IQCM: variants seen among roughly 807,000 people sequenced by gnomAD.
IQCM encodes the protein IQ domain-containing protein M.
In IQCM, 45 loss-of-function variants were observed where a neutral mutation model predicts 57.6. The ratio of observed to expected loss-of-function variants is 0.78; its 90% CI spans 0.62 to 1.00. The LOEUF (loss-of-function observed/expected upper bound fraction) is 1.00, where lower values mean the gene tolerates loss of function less well. Ranked by LOEUF, IQCM falls within the 50% of genes least tolerant of loss-of-function variation. The probability of loss-of-function intolerance (pLI) is 0.00; values close to 1 mark genes in which losing one functional copy is unlikely to be tolerated. For synonymous variants in IQCM, 148 were observed against 158.9 expected (o/e 0.93, Z 0.51); for missense variants, 468 against 511.6 (o/e 0.91, Z 0.82).
chr4:149,756,527 T>C (rs566039562), intron 2 of IQCM, among the ~76,000 whole-genome samples: 1 of 151,846 alleles, frequency 6.6e-6, no homozygotes, highest in Non-Finnish European at 1.5e-5. Context: ...TACTAAAAAA[T>C]AAGCTTCACA....
rs569538537 is a variant in IQCM at position 149,498,400 on chromosome 4, T to C, written c.1228+50055A>G. On this transcript the variant is annotated intron_variant, in intron 12 of 13. Transcript: ENST00000636793. ...GGACCTGCCATCACTTCCATTATGG[T>C]GTGACAAGGATTTTATCTTCCTGGC... 2.2e-4 allele frequency among the ~76,000 whole-genome samples: 34 copies of C among 152,228 alleles called. 1 individual carries two copies. Among genetic ancestry groups the C allele is most frequent in the African/African-American group, 7.9e-4 (33 of 41,552 alleles).
chr4:149,502,603 G>GGT (rs1331711219), intron 12 of IQCM, among the ~76,000 whole-genome samples: 1 of 152,176 alleles, frequency 6.6e-6, no homozygotes, highest in Non-Finnish European at 1.5e-5. Context: ...GAGCCCTAGA[G>GGT]GTCGAGGCTG....
At chr4:149,620,325 T>G (rs1359457132) in intron 8 of IQCM, among the ~76,000 whole-genome samples, 1 of 152,114 alleles carries the variant, frequency 6.6e-6, no homozygotes. Context: ...TTTTTGTTGT[T>G]TAATCCATCC....
intron 13 of IQCM, among the ~76,000 whole-genome samples, chr4:149,359,253 C>A (rs1373613233): frequency 6.6e-6 from 1 of 152,020 alleles, no homozygotes; most frequent in Non-Finnish European, 1.5e-5. Flanking sequence ...TTTTATTAAC[C>A]CATAGTGTGT....
intron 10 of IQCM, among the ~76,000 whole-genome samples, chr4:149,554,763 G>A (rs936264328): frequency 5.3e-5 from 8 of 150,700 alleles, no homozygotes; most frequent in African/African-American, 2.0e-4. Context: ...GCAGTGGCGC[G>A]ATCTCGGCTC....
At chr4:149,667,861 C>T (rs1760874983) in intron 7 of IQCM, among the ~76,000 whole-genome samples, 1 of 151,612 alleles carries the variant, frequency 6.6e-6, no homozygotes, top group African/African-American at 2.4e-5. Flanking sequence ...TGAAATAAAG[C>T]ATGAAGACAA....
intron 5 of IQCM, chr4:149,691,916 A>G (rs1762967962): frequency 6.6e-6 from 1 of 152,206 alleles, no homozygotes; most frequent in Non-Finnish European, 1.5e-5. Context: ...ATACACATCT[A>G]TGCTTAAAAC....
At chr4:149,690,237 T>C (rs1056652870) in intron 5 of IQCM, among the ~76,000 whole-genome samples, 1 of 152,066 alleles carries the variant, frequency 6.6e-6, no homozygotes, top group Non-Finnish European at 1.5e-5. Context: ...GGAATATTAC[T>C]CAGCCATAAA....
At chr4:149,730,730 T>G (rs893871812) in intron 5 of IQCM, among the ~76,000 whole-genome samples, 5 of 152,232 alleles carry the variant, frequency 3.3e-5, no homozygotes, top group Admixed American at 2.6e-4. Flanking sequence ...GATATCCTCC[T>G]ATTCACTTTA....
At chr4:149,773,346 C>G (rs1211235007) in intron 2 of IQCM, among the ~76,000 whole-genome samples, 1 of 146,404 alleles carries the variant, frequency 6.8e-6, no homozygotes, top group Non-Finnish European at 1.5e-5. Context: ...AGCAAAACTC[C>G]GTCTCAAAAA....
chr4:149,738,399 TC>T (rs1241580424), intron 3 of IQCM, among the ~76,000 whole-genome samples: 1 of 152,170 alleles, frequency 6.6e-6, no homozygotes, highest in Non-Finnish European at 1.5e-5. Context: ...GAATTAGCTT[TC>T]GACAGAGGAG....
intron 5 of IQCM, among the ~76,000 whole-genome samples, chr4:149,692,301 C>T (rs996056771): frequency 5.3e-5 from 8 of 152,180 alleles, no homozygotes; most frequent in African/African-American, 1.7e-4. Context: ...TCATTTGTTA[C>T]TCAACAGAGC....
intron 5 of IQCM, among the ~76,000 whole-genome samples, chr4:149,704,785 T>C (rs1561178835): frequency 6.6e-6 from 1 of 151,862 alleles, no homozygotes; most frequent in East Asian, 1.9e-4. Context: ...CCAGAAAATA[T>C]TTACATTTGA....
intron 13 of IQCM, among the ~76,000 whole-genome samples, chr4:149,370,846 T>C (rs72724055): frequency 0.018 from 2,708 of 148,106 alleles, 34 homozygotes; most frequent in Non-Finnish European, 0.029. Context: ...CTACACACTA[T>C]ATTAAATTCT....
At chr4:149,717,505 ATTATT>A (rs1191472851) in intron 5 of IQCM, among the ~76,000 whole-genome samples, 4 of 152,332 alleles carry the variant, frequency 2.6e-5, no homozygotes, top group South Asian at 2.1e-4. Context: ...ATATAATTCC[ATTATT>A]TTAACTTCTT....
chr4:149,617,612 A>T (rs1755913160), intron 8 of IQCM, among the ~76,000 whole-genome samples: 1 of 152,184 alleles, frequency 6.6e-6, no homozygotes, highest in Non-Finnish European at 1.5e-5. Context: ...AAACACCTAA[A>T]GTCTCCATCA....
At chr4:149,778,661 A>G (rs1023938021) in intron 2 of IQCM, among the ~76,000 whole-genome samples, 5 of 152,124 alleles carry the variant, frequency 3.3e-5, no homozygotes, top group Non-Finnish European at 7.4e-5. Context: ...TTAGAAATGA[A>G]ATGGGTATCA....
intron 12 of IQCM, among the ~76,000 whole-genome samples, chr4:149,528,381 T>C (rs1405000470): frequency 6.6e-6 from 1 of 150,450 alleles, no homozygotes; most frequent in South Asian, 2.1e-4. Flanking sequence ...CAATCATCAC[T>C]TATCAATTCT....
chr4:149,547,196 C>T (rs867500569), intron 12 of IQCM, among the ~76,000 whole-genome samples: 1 of 152,072 alleles, frequency 6.6e-6, no homozygotes, highest in Non-Finnish European at 1.5e-5. Context: ...GTTTTGGTAC[C>T]AGTACCATGC....
Sources: gnomAD v4.1 joint callset for allele counts (sites outside exome capture counted in the v4.1 genomes callset) on GRCh38, gnomAD v4.1.1 for gene constraint, MANE v1.5 for transcripts, NCBI Gene and HGNC (gene_info 2026-07-23, HGNC 2026-07-21) for gene names.